Variants in PCBP3 observed in about 807,000 individuals in gnomAD.
The protein encoded by PCBP3 is poly(rC) binding protein 3.
In PCBP3, 25 loss-of-function variants were observed where a neutral mutation model predicts 52.7. That is an observed-to-expected ratio of 0.47 (90% CI 0.35 to 0.66). The LOEUF is 0.66. Ranked by LOEUF, PCBP3 falls within the 30% of genes least tolerant of loss-of-function variation. The probability of loss-of-function intolerance (pLI) is 0.01; values close to 1 mark genes in which losing one functional copy is unlikely to be tolerated. For missense variants in PCBP3, 391 were observed against 490.3 expected (o/e 0.80, Z 1.91); for synonymous variants, 162 against 183.0 (o/e 0.89, Z 0.93).
At chr21:45,886,304 T>G (rs1603466477) in intron 5 of PCBP3, among the ~76,000 whole-genome samples, 1 of 79,124 alleles carries the variant, frequency 1.3e-5, no homozygotes, top group Non-Finnish European at 2.2e-5. Context: ...TGTGGTGAGG[T>G]GTGGAGGAGG....
intron 4 of PCBP3, among the ~76,000 whole-genome samples, chr21:45,840,132 A>C (rs1214485660): frequency 6.6e-6 from 1 of 152,082 alleles, no homozygotes; most frequent in Non-Finnish European, 1.5e-5. Context: ...AAGTACTATA[A>C]AAAAATTTAA....
At chr21:45,936,303 C>T (rs1301903375) in intron 16 of PCBP3, among the ~76,000 whole-genome samples, 1 of 152,228 alleles carries the variant, frequency 6.6e-6, no homozygotes, top group Admixed American at 6.5e-5. Context: ...TGCCACTGAC[C>T]CGCCTGAAGA....
chr21:45,661,977 G>A (rs1301474847), intron 1 of PCBP3, among the ~76,000 whole-genome samples: 1 of 151,990 alleles, frequency 6.6e-6, no homozygotes, highest in Non-Finnish European at 1.5e-5. Flanking sequence ...TACTTTTAAT[G>A]GGGTTATTTT....
chr21:45,937,877 C>T (rs1191605686), intron 16 of PCBP3, among the ~76,000 whole-genome samples: 1 of 152,258 alleles, frequency 6.6e-6, no homozygotes, highest in Non-Finnish European at 1.5e-5. Context: ...TGCTGTTCAC[C>T]TTGGCATTTG....
intron 2 of PCBP3, among the ~76,000 whole-genome samples, chr21:45,731,085 A>T (rs147882040): frequency 8.9e-4 from 136 of 152,190 alleles, no homozygotes; most frequent in Middle Eastern, 3.4e-3. Context: ...TATTTTTCCC[A>T]CTTGTTATTA....
intron 4 of PCBP3, among the ~76,000 whole-genome samples, chr21:45,839,443 G>A (rs533662565): frequency 1.3e-4 from 20 of 152,160 alleles, no homozygotes; most frequent in Middle Eastern, 3.4e-3. Context: ...CAATTATTTC[G>A]TGGTTGGCCC....
At chr21:45,725,442 G>A (rs1173313334) in intron 2 of PCBP3, among the ~76,000 whole-genome samples, 1 of 152,204 alleles carries the variant, frequency 6.6e-6, no homozygotes, top group African/African-American at 2.4e-5. Context: ...CAGATGCCCT[G>A]GGCCTCGCAG....
At chr21:45,900,518 C>T in intron 7 of PCBP3, 73 bp from the exon 8 acceptor site, 1 of 1,236,384 alleles carries the variant, frequency 8.1e-7, no homozygotes, top group Non-Finnish European at 1.2e-6. Context: ...GGCTGCTCCC[C>T]ACCCACCATG....
intron 16 of PCBP3, among the ~76,000 whole-genome samples, chr21:45,939,285 G>A (rs918033934): frequency 2.0e-5 from 3 of 152,234 alleles, no homozygotes; most frequent in African/African-American, 7.2e-5. Flanking sequence ...ATTGAGAGAT[G>A]CCATTGGCTC....
At chr21:45,913,508 AG>A (rs1196792038) in intron 11 of PCBP3, among the ~76,000 whole-genome samples, 1 of 152,104 alleles carries the variant, frequency 6.6e-6, no homozygotes, top group Non-Finnish European at 1.5e-5. Flanking sequence ...TGCGCATCCC[AG>A]GAGGGGCCCC....
At chr21:45,933,963 G>C (rs1383224465) in intron 15 of PCBP3, among the ~76,000 whole-genome samples, 1 of 152,142 alleles carries the variant, frequency 6.6e-6, no homozygotes, top group African/African-American at 2.4e-5. Flanking sequence ...CATGGAGTTG[G>C]GGGGCACAGG....
At chr21:45,910,499 T>C (rs2096365640) in intron 10 of PCBP3, among the ~76,000 whole-genome samples, 1 of 152,150 alleles carries the variant, frequency 6.6e-6, no homozygotes, top group African/African-American at 2.4e-5. Context: ...GCCTGAATCC[T>C]TGCCCTATGC....
chr21:45,900,192 C>T (rs549392727), intron 7 of PCBP3, among the ~76,000 whole-genome samples: 4 of 152,290 alleles, frequency 2.6e-5, no homozygotes, highest in Admixed American at 2.0e-4. Flanking sequence ...TCCTCCCAAA[C>T]GCTTGAGAGG....
rs964138229 is a variant in PCBP3 at position 45,829,213 on chromosome 21, C to T, written c.-125-20748C>T. Reference sequence around the variant, plus strand: ...CTCTGGGCCAGGGCTCTGGATGGGCCCCACGTGGTGGGGGCCTTCAGATTC... The same window carrying T: ...CTCTGGGCCAGGGCTCTGGATGGGCTCCACGTGGTGGGGGCCTTCAGATTC... On this transcript the variant is annotated intron_variant, in intron 4 of 17. Transcript: ENST00000681687. This position sits in a 1 kb window ranked among gnomAD's most constrained non-coding sequence, Gnocchi z 5.2. 2.0e-5 allele frequency: 3 copies of T among 152,204 alleles called. No homozygotes were observed. The highest frequency in any genetic ancestry group is 2.9e-5 in the Non-Finnish European group (2 of 68,064). The allele number at this position is 152,204 out of a possible 1,614,324, so 9.4% of individuals were successfully genotyped here.
intron 3 of PCBP3, chr21:45,750,466 A>G (rs898188684): frequency 3.0e-5 from 4 of 131,366 alleles, no homozygotes; most frequent in Admixed American, 9.1e-5. Flanking sequence ...CTAATTCATC[A>G]CTGTCCTCGA....
chr21:45,827,043 G>A lies in PCBP3; in HGVS notation c.-125-22918G>A, dbSNP rs1385162713. Among the ~76,000 whole-genome samples, 4 of 152,132 alleles carry A rather than the reference G, an allele frequency of 2.6e-5. No individual in the cohort carries two copies. The highest frequency in any genetic ancestry group is 5.9e-5 in the Non-Finnish European group (4 of 68,026). ...CCCAGCTGAGCCAGGGAGCATCAGG[G>A]AGGCTGATGGGGACATGTACTCCCA... On this transcript the variant is annotated intron_variant, in intron 4 of 17. Coordinates refer to ENST00000681687, the MANE Select transcript of PCBP3 (RefSeq NM_001384156.1). This position sits in a 1 kb window ranked among gnomAD's most constrained non-coding sequence, Gnocchi z 4.3.
intron 6 of PCBP3, 92 bp from the exon 7 acceptor site, chr21:45,899,507 G>A: frequency 1.1e-6 from 1 of 918,284 alleles, no homozygotes; most frequent in Non-Finnish European, 1.8e-6. Flanking sequence ...CTCATACCGG[G>A]AAGGTAGGCA....
chr21:45,647,213 C>T (rs192000516), intron 1 of PCBP3, among the ~76,000 whole-genome samples: 1 of 152,282 alleles, frequency 6.6e-6, no homozygotes, highest in Non-Finnish European at 1.5e-5. Context: ...GTACACTTAA[C>T]CCAGGTTACT....
At chr21:45,875,423 C>G (rs2095225806) in intron 5 of PCBP3, among the ~76,000 whole-genome samples, 1 of 152,228 alleles carries the variant, frequency 6.6e-6, no homozygotes, top group South Asian at 2.1e-4. Flanking sequence ...GCTTTTCACC[C>G]CCTGCACCAT....
Sources: gnomAD v4.1 joint callset for allele counts (sites outside exome capture counted in the v4.1 genomes callset) on GRCh38, gnomAD v4.1.1 for gene constraint, Gnocchi (gnomAD v3.1) non-coding constraint, MANE v1.5 for transcripts, NCBI Gene and HGNC (gene_info 2026-07-23, HGNC 2026-07-21) for gene names.